SLC44A5: variants seen among roughly 807,000 people sequenced by gnomAD.
SLC44A5 encodes choline transporter-like protein 5.
SLC44A5 carries 57 observed loss-of-function variants against 101.8 expected under a neutral mutation model. The ratio of observed to expected loss-of-function variants is 0.56; its 90% CI spans 0.45 to 0.70. SLC44A5 has a LOEUF of 0.70. SLC44A5 is among the 30% of genes least tolerant of loss of function. SLC44A5 has a pLI of 0.00. For synonymous variants in SLC44A5, 281 were observed against 290.9 expected (o/e 0.97, Z 0.35); for missense variants, 737 against 853.1 (o/e 0.86, Z 1.70).
the SLC44A5 span, among the ~76,000 whole-genome samples, chr1:75,682,344 A>G: frequency 6.6e-6 from 1 of 152,002 alleles, no homozygotes; most frequent in Non-Finnish European, 1.5e-5. Context: ...ACACTACCTG[A>G]CTTCAAACTA....
At chr1:75,477,169 T>C (rs1242547103) in intron 2 of SLC44A5, among the ~76,000 whole-genome samples, 2 of 151,930 alleles carry the variant, frequency 1.3e-5, no homozygotes, top group African/African-American at 4.8e-5. Flanking sequence ...CCTAGCAAAC[T>C]CCAACAGGCC....
At chr1:75,531,577 G>C (rs566131957) in intron 2 of SLC44A5, among the ~76,000 whole-genome samples, 52 of 152,296 alleles carry the variant, frequency 3.4e-4, no homozygotes, top group South Asian at 1.0e-3. Flanking sequence ...TGGGCTCTGA[G>C]AGTTGGGGTT....
At chr1:75,685,100 T>G in the SLC44A5 span, among the ~76,000 whole-genome samples, 3 of 152,176 alleles carry the variant, frequency 2.0e-5, no homozygotes, top group East Asian at 3.9e-4. Flanking sequence ...GGGCTTGTAC[T>G]CTCTGAATCA....
At chr1:75,679,442 A>T in the SLC44A5 span, among the ~76,000 whole-genome samples, 1 of 152,164 alleles carries the variant, frequency 6.6e-6, no homozygotes, top group East Asian at 1.9e-4. Context: ...GCCAGAAGAG[A>T]GTGGGGGCCA....
At chr1:75,317,818 C>T (rs1473378750) in intron 4 of SLC44A5, among the ~76,000 whole-genome samples, 1 of 152,070 alleles carries the variant, frequency 6.6e-6, no homozygotes, top group Non-Finnish European at 1.5e-5. Flanking sequence ...CTTATAAGGT[C>T]ACTAATCCCA....
At chr1:75,464,664 A>C (rs1449598597) in intron 2 of SLC44A5, among the ~76,000 whole-genome samples, 1 of 152,084 alleles carries the variant, frequency 6.6e-6, no homozygotes, top group Non-Finnish European at 1.5e-5. Context: ...TACACACATA[A>C]ACTGAAAATA....
At chr1:75,550,271 G>A (rs1011272298) in intron 1 of SLC44A5, among the ~76,000 whole-genome samples, 5 of 152,088 alleles carry the variant, frequency 3.3e-5, no homozygotes, top group African/African-American at 1.2e-4. Flanking sequence ...TTGAAAACAT[G>A]CTAAGTGAAA....
chr1:75,467,802 T>C (rs1666903877), intron 2 of SLC44A5, among the ~76,000 whole-genome samples: 1 of 151,988 alleles, frequency 6.6e-6, no homozygotes, highest in African/African-American at 2.4e-5. Context: ...ACCCCACAAG[T>C]GCAGGCAATC....
intron 2 of SLC44A5, among the ~76,000 whole-genome samples, chr1:75,412,296 T>C (rs1051330739): frequency 5.5e-4 from 83 of 152,274 alleles, no homozygotes; most frequent in African/African-American, 2.0e-3. Flanking sequence ...TGGATTTCAG[T>C]GATTTGGTGG....
chr1:75,630,829 C>A, the SLC44A5 span, among the ~76,000 whole-genome samples: 1 of 152,136 alleles, frequency 6.6e-6, no homozygotes, highest in Non-Finnish European at 1.5e-5. Context: ...GGCAACTGCC[C>A]AATTTTCCAG....
chr1:75,240,293 C>T (rs1474746559), intron 9 of SLC44A5, among the ~76,000 whole-genome samples: 2 of 152,058 alleles, frequency 1.3e-5, no homozygotes, highest in African/African-American at 4.8e-5. Flanking sequence ...TTTATGAGCT[C>T]TTTAATGAAC....
chr1:75,493,910 G>A (rs1668543482), intron 2 of SLC44A5, among the ~76,000 whole-genome samples: 1 of 152,164 alleles, frequency 6.6e-6, no homozygotes, highest in African/African-American at 2.4e-5. Flanking sequence ...TCTGCCTGAG[G>A]TTCTGGCTTT....
chr1:75,470,985 G>A (rs185958620), intron 2 of SLC44A5, among the ~76,000 whole-genome samples: 154 of 152,198 alleles, frequency 1.0e-3, no homozygotes, highest in African/African-American at 2.6e-3. Context: ...AAAGCATTTT[G>A]CAAGTATTTT....
intron 5 of SLC44A5, among the ~76,000 whole-genome samples, chr1:75,286,881 A>C (rs1653096713): frequency 6.6e-6 from 1 of 152,026 alleles, no homozygotes; most frequent in African/African-American, 2.4e-5. Context: ...CAGCTCTTGA[A>C]ATTCTTTCCT....
intron 2 of SLC44A5, among the ~76,000 whole-genome samples, chr1:75,397,617 A>G (rs771243353): frequency 2.6e-5 from 4 of 152,166 alleles, no homozygotes; most frequent in Non-Finnish European, 5.9e-5. Flanking sequence ...ATGTTATCTC[A>G]TTTAATATTC....
the SLC44A5 span, chr1:75,641,446 C>A: frequency 1.5e-6 from 2 of 1,336,412 alleles, no homozygotes; most frequent in African/African-American, 2.9e-5. Flanking sequence ...TACTGCCAAT[C>A]TTTCTAAAGA....
intron 1 of SLC44A5, among the ~76,000 whole-genome samples, chr1:75,561,549 G>C (rs1293902946): frequency 2.0e-5 from 3 of 152,028 alleles, no homozygotes; most frequent in Non-Finnish European, 4.4e-5. Flanking sequence ...AATATCATAG[G>C]TATTCAATAA....
At chr1:75,481,540 G>A (rs779509444) in intron 2 of SLC44A5, among the ~76,000 whole-genome samples, 6 of 150,686 alleles carry the variant, frequency 4.0e-5, no homozygotes, top group African/African-American at 7.3e-5. Context: ...TCTACAATGA[G>A]CTCAAACAAA....
At chr1:75,251,183 C>T in intron 7 of SLC44A5, 27 bp downstream of exon 7, 1 of 1,547,294 alleles carries the variant, frequency 6.5e-7, no homozygotes, top group Non-Finnish European at 8.9e-7. Flanking sequence ...ACGGCTGACA[C>T]TACCAGTGAG....
Sources: gnomAD v4.1 joint callset for allele counts (sites outside exome capture counted in the v4.1 genomes callset) on GRCh38, gnomAD v4.1.1 for gene constraint, MANE v1.5 for transcripts, NCBI Gene and HGNC (gene_info 2026-07-23, HGNC 2026-07-21) for gene names.